Variants in AGBL1 observed in about 807,000 individuals in gnomAD.
The protein encoded by AGBL1 is AGBL carboxypeptidase 1, also known as cytosolic carboxypeptidase 4.
In AGBL1, 130 loss-of-function variants were observed where a neutral mutation model predicts 118.9. The ratio of observed to expected loss-of-function variants is 1.09; its 90% CI spans 0.95 to 1.26. The LOEUF (loss-of-function observed/expected upper bound fraction) is 1.26, where lower values mean the gene tolerates loss of function less well. Among genes scored for constraint, AGBL1 ranks in the 50% most tolerant of loss-of-function variants. The pLI is 0.00. For missense variants in AGBL1, 1,584 were observed against 1,298.1 expected, an observed-to-expected ratio of 1.22 and a Z score of -3.38; for synonymous variants, 555 against 478.9, an observed-to-expected ratio of 1.16 and a Z score of -2.08.
intron 23 of AGBL1, among the ~76,000 whole-genome samples, chr15:86,981,984 T>C (rs2081235869): frequency 6.6e-6 from 1 of 152,238 alleles, no homozygotes; most frequent in South Asian, 2.1e-4. Flanking sequence ...AAAATTATAA[T>C]GTAAAATATT....
At chr15:86,668,960 A>G (rs1423157826) in intron 21 of AGBL1, among the ~76,000 whole-genome samples, 1 of 152,202 alleles carries the variant, frequency 6.6e-6, no homozygotes, top group Non-Finnish European at 1.5e-5. Flanking sequence ...ATGTACCTGT[A>G]GCTCAAAAGG....
chr15:86,230,330 G>A (rs905783073), intron 6 of AGBL1, among the ~76,000 whole-genome samples: 1 of 152,174 alleles, frequency 6.6e-6, no homozygotes. Flanking sequence ...CAAAGAAGGG[G>A]CCATCTTTGA....
At chr15:86,539,742 C>T (rs912811229) in intron 19 of AGBL1, among the ~76,000 whole-genome samples, 1 of 152,168 alleles carries the variant, frequency 6.6e-6, no homozygotes, top group East Asian at 1.9e-4. Flanking sequence ...TATGTATAAC[C>T]TCCCTTGAGA....
chr15:86,187,186 T>TA (rs1396256480), intron 5 of AGBL1, among the ~76,000 whole-genome samples: 1 of 152,184 alleles, frequency 6.6e-6, no homozygotes, highest in Non-Finnish European at 1.5e-5. Flanking sequence ...TATCAGCAAT[T>TA]AAAAAAGGAT....
At chr15:86,737,902 T>TATCAA (rs150988673) in intron 22 of AGBL1, among the ~76,000 whole-genome samples, 4 of 152,028 alleles carry the variant, frequency 2.6e-5, no homozygotes, top group South Asian at 2.1e-4. Flanking sequence ...AACAAAATGC[T>TATCAA]ATCAAATCAA....
intron 1 of AGBL1, among the ~76,000 whole-genome samples, chr15:86,119,899 A>C (rs564124028): frequency 7.9e-5 from 12 of 152,310 alleles, no homozygotes; most frequent in African/African-American, 2.9e-4. Flanking sequence ...AAGGAAGAAA[A>C]GAATTTGTCC....
intron 23 of AGBL1, among the ~76,000 whole-genome samples, chr15:86,922,494 G>T (rs918446909): frequency 2.6e-5 from 4 of 152,160 alleles, no homozygotes; most frequent in Non-Finnish European, 5.9e-5. Flanking sequence ...GTTTCACCCT[G>T]TTGGCCAGGC....
chr15:86,188,624 G>A (rs914380105), intron 5 of AGBL1, among the ~76,000 whole-genome samples: 1 of 152,162 alleles, frequency 6.6e-6, no homozygotes, highest in Non-Finnish European at 1.5e-5. Context: ...CTTGTGGATC[G>A]AGGCTTTCAT....
chr15:86,423,506 T>A (rs2081821099), intron 18 of AGBL1, among the ~76,000 whole-genome samples: 1 of 152,218 alleles, frequency 6.6e-6, no homozygotes, highest in Non-Finnish European at 1.5e-5. Flanking sequence ...TTACCACTCC[T>A]ATTCAACATA....
At chr15:86,408,551 A>G (rs1453768467) in intron 18 of AGBL1, among the ~76,000 whole-genome samples, 2 of 152,192 alleles carry the variant, frequency 1.3e-5, no homozygotes, top group African/African-American at 4.8e-5. Context: ...TTCATTCGTC[A>G]CATTTTAATT....
At chr15:86,259,286 A>C (rs186401112) in intron 9 of AGBL1, among the ~76,000 whole-genome samples, 11 of 152,294 alleles carry the variant, frequency 7.2e-5, no homozygotes, top group African/African-American at 2.2e-4. Context: ...TAGAATAAGA[A>C]TTTGTCTGTG....
At chr15:86,298,389 T>C (rs915944890) in intron 17 of AGBL1, among the ~76,000 whole-genome samples, 8 of 142,884 alleles carry the variant, frequency 5.6e-5, no homozygotes, top group African/African-American at 2.1e-4. Context: ...CTTATATATA[T>C]ATGAATATAT....
chr15:86,495,378 T>A (rs917820147), intron 18 of AGBL1, among the ~76,000 whole-genome samples: 11 of 142,318 alleles, frequency 7.7e-5, no homozygotes, highest in East Asian at 6.7e-4. Context: ...TATTTTTTTT[T>A]AAATACCTCT....
intron 21 of AGBL1, among the ~76,000 whole-genome samples, chr15:86,665,890 T>G (rs11073654): frequency 2.0e-5 from 3 of 151,876 alleles, no homozygotes; most frequent in Non-Finnish European, 4.4e-5. Context: ...TACAAACTTA[T>G]TTACCCCAAG....
rs181220325 is a variant in AGBL1, at chr15:86,431,723, A to G, written c.2555+34177A>G. On this transcript the variant is annotated intron_variant, in intron 18 of 22. Transcript: ENST00000614907. ...TAATGCTTACTGAATACACTGTATCAGCTTTTGGACTGAGTTGTGGTCATT... is the reference window on the plus strand; with the variant it reads ...TAATGCTTACTGAATACACTGTATCGGCTTTTGGACTGAGTTGTGGTCATT... 2.3e-3 allele frequency among the ~76,000 whole-genome samples: 354 copies of G among 152,296 alleles called. 7 individuals are homozygous for G. The highest frequency in any genetic ancestry group is 0.021 in the Admixed American group (322 of 15,298).
At chr15:86,680,560 C>CTTT (rs2085934220) in intron 22 of AGBL1, among the ~76,000 whole-genome samples, 2 of 102,516 alleles carry the variant, frequency 2.0e-5, no homozygotes, top group African/African-American at 3.7e-5. Context: ...TTCTTTCTTT[C>CTTT]TTTTCTTTTT....
chr15:86,218,170 C>T (rs1179748571), intron 5 of AGBL1, among the ~76,000 whole-genome samples: 1 of 152,140 alleles, frequency 6.6e-6, no homozygotes, highest in Non-Finnish European at 1.5e-5. Context: ...CCCTCACATG[C>T]TTAGGCTAGG....
intron 19 of AGBL1, among the ~76,000 whole-genome samples, chr15:86,528,220 C>T (rs2083294887): frequency 6.6e-6 from 1 of 152,160 alleles, no homozygotes; most frequent in Non-Finnish European, 1.5e-5. Context: ...CTAGGGAGTG[C>T]CAGACAGTGG....
At chr15:87,004,633 T>C (rs2081478619) in intron 24 of AGBL1, among the ~76,000 whole-genome samples, 1 of 152,216 alleles carries the variant, frequency 6.6e-6, no homozygotes, top group Non-Finnish European at 1.5e-5. Flanking sequence ...GGGTCTTGAC[T>C]CTTTATCCAA....
Sources: gnomAD v4.1 joint callset for allele counts (sites outside exome capture counted in the v4.1 genomes callset) on GRCh38, gnomAD v4.1.1 for gene constraint, MANE v1.5 for transcripts, NCBI Gene and HGNC (gene_info 2026-07-23, HGNC 2026-07-21) for gene names.